BBS9: variants seen among roughly 807,000 people sequenced by gnomAD.
BBS9 encodes the protein protein PTHB1.
A neutral mutation model predicts 117.7 loss-of-function variants in BBS9; 89 were observed. The ratio of observed to expected loss-of-function variants is 0.76; its 90% confidence interval spans 0.64 to 0.90. BBS9 has a LOEUF of 0.90. Among genes scored for constraint, BBS9 ranks in the 40% least tolerant of loss-of-function variants. The probability of loss-of-function intolerance (pLI) is 0.00; values close to 1 mark genes in which losing one functional copy is unlikely to be tolerated. For missense variants in BBS9, 982 were observed against 1,042.2 expected, an observed-to-expected ratio of 0.94 and a Z score of 0.80; for synonymous variants, 379 against 370.9, an observed-to-expected ratio of 1.02 and a Z score of -0.25.
chr7:33,275,176 G>T (rs1262149219), intron 9 of BBS9, among the ~76,000 whole-genome samples: 1 of 152,058 alleles, frequency 6.6e-6, no homozygotes, highest in Non-Finnish European at 1.5e-5. Flanking sequence ...TAGAAAAATG[G>T]AAACGGTGTT....
At chr7:33,618,804 G>A (rs1865268125) in intron 21 of BBS9, among the ~76,000 whole-genome samples, 1 of 152,024 alleles carries the variant, frequency 6.6e-6, no homozygotes, top group Admixed American at 6.6e-5. Flanking sequence ...ACTATGAGAT[G>A]TTTTACATAA....
intron 5 of BBS9, among the ~76,000 whole-genome samples, chr7:33,214,248 ACT>A (rs1241150302): frequency 2.6e-5 from 4 of 151,846 alleles, no homozygotes; most frequent in Non-Finnish European, 1.5e-5. Context: ...CCATGGCTTT[ACT>A]CTCTGTTATA....
intron 19 of BBS9, among the ~76,000 whole-genome samples, chr7:33,404,166 T>C (rs1829480398): frequency 6.6e-6 from 1 of 152,148 alleles, no homozygotes; most frequent in South Asian, 2.1e-4. Flanking sequence ...ATATGCGGCG[T>C]TATTTCTGAG....
intron 19 of BBS9, among the ~76,000 whole-genome samples, chr7:33,424,980 C>A (rs999673400): frequency 2.0e-5 from 3 of 151,958 alleles, no homozygotes; most frequent in Non-Finnish European, 4.4e-5. Context: ...TGTTTATTGA[C>A]CTCTTCTTCC....
chr7:33,478,445 A>G (rs1842083031), intron 19 of BBS9, among the ~76,000 whole-genome samples: 1 of 152,220 alleles, frequency 6.6e-6, no homozygotes. Context: ...TGGCATGGCC[A>G]TGGTAATTCT....
intron 5 of BBS9, among the ~76,000 whole-genome samples, chr7:33,184,745 C>A (rs566222096): frequency 1.3e-5 from 2 of 152,222 alleles, no homozygotes; most frequent in East Asian, 3.9e-4. Flanking sequence ...CTGATCTAGA[C>A]CCCCAGACAG....
chr7:33,287,946 G>A (rs553022794), intron 9 of BBS9, among the ~76,000 whole-genome samples: 2 of 152,236 alleles, frequency 1.3e-5, no homozygotes, highest in East Asian at 1.9e-4. Flanking sequence ...CACAGATGAG[G>A]GAACTTGCAC....
intron 9 of BBS9, among the ~76,000 whole-genome samples, chr7:33,321,108 T>C (rs1811620188): frequency 6.6e-6 from 1 of 152,298 alleles, no homozygotes; most frequent in East Asian, 1.9e-4. Flanking sequence ...TCTGTTTTTA[T>C]GCCAGTACCA....
chr7:33,177,676 T>G, intron 5 of BBS9, 85 bp downstream of exon 5: 4 of 1,004,154 alleles, frequency 4.0e-6, no homozygotes, highest in Non-Finnish European at 6.3e-6. Flanking sequence ...TTAAGTGGTT[T>G]GACTCTCAGA....
At position 33,340,921 on chromosome 7, in the gene BBS9, A is replaced by G. The variant is rs1266402792; in HGVS notation, c.1223A>G (p.Glu408Gly). ...GGTGTTTGGCCCATGACTGAGAGAG[A>G]AGATGACTTGAACGTTTCTGTCGTG... ...SQGVWPMTER[E>G]DDLNVSVVVS... Residue 408 changes from glutamate (E) to glycine (G), a missense_variant, in exon 11 of 23, where the codon GAA becomes GGA. Glu to Gly is a moderately conservative substitution (Grantham distance 98). Transcript: ENST00000242067. 6.2e-7 allele frequency: 1 copy of G among 1,613,462 alleles called. No individual in the cohort carries two copies. The highest frequency in any genetic ancestry group is 2.2e-5 in the East Asian group (1 of 44,838).
intron 9 of BBS9, among the ~76,000 whole-genome samples, chr7:33,318,358 A>G (rs1382259206): frequency 6.6e-6 from 1 of 152,090 alleles, no homozygotes; most frequent in East Asian, 1.9e-4. Context: ...AGCTTTTACA[A>G]CATTTGTCCT....
chr7:33,561,497 A>T (rs1856081406), intron 21 of BBS9, among the ~76,000 whole-genome samples: 1 of 152,344 alleles, frequency 6.6e-6, no homozygotes, highest in Non-Finnish European at 1.5e-5. Context: ...GACAGAAACG[A>T]TAAATTCCCA....
At chr7:33,397,900 G>C (rs922092920) in intron 19 of BBS9, among the ~76,000 whole-genome samples, 1 of 151,984 alleles carries the variant, frequency 6.6e-6, no homozygotes, top group Non-Finnish European at 1.5e-5. Context: ...GGATTGATCT[G>C]TGCAACAAAC....
intron 16 of BBS9, among the ~76,000 whole-genome samples, chr7:33,362,285 T>G (rs1820765902): frequency 6.6e-6 from 1 of 152,156 alleles, no homozygotes; most frequent in African/African-American, 2.4e-5. Context: ...AACCCCCCCG[T>G]TTATCAATTT....
At chr7:33,522,333 C>G (rs1167858005) in intron 20 of BBS9, among the ~76,000 whole-genome samples, 1 of 151,764 alleles carries the variant, frequency 6.6e-6, no homozygotes, top group East Asian at 1.9e-4. Context: ...CTGACTTCCA[C>G]AATGGTTGAA....
intron 21 of BBS9, among the ~76,000 whole-genome samples, chr7:33,584,241 T>C (rs1860505388): frequency 6.6e-6 from 1 of 152,010 alleles, no homozygotes; most frequent in African/African-American, 2.4e-5. Context: ...ATTTTATATT[T>C]TTGGAATTTT....
intron 21 of BBS9, among the ~76,000 whole-genome samples, chr7:33,625,343 C>T (rs181284000): frequency 9.1e-4 from 138 of 152,122 alleles, no homozygotes; most frequent in African/African-American, 3.2e-3. Flanking sequence ...CTGAATTCTA[C>T]TCATATTATA....
intron 4 of BBS9, among the ~76,000 whole-genome samples, chr7:33,156,502 A>C (rs76251722): frequency 6.6e-6 from 1 of 152,076 alleles, no homozygotes; most frequent in African/African-American, 2.4e-5. Flanking sequence ...TATTCTCTTC[A>C]TTTGGGCTTT....
intron 17 of BBS9, among the ~76,000 whole-genome samples, chr7:33,377,082 G>A (rs993684537): frequency 6.6e-6 from 1 of 152,026 alleles, no homozygotes; most frequent in African/African-American, 2.4e-5. Context: ...TGCTTTTGTT[G>A]CAATTGCTTT....
Sources: gnomAD v4.1 joint callset for allele counts (sites outside exome capture counted in the v4.1 genomes callset) on GRCh38, gnomAD v4.1.1 for gene constraint, MANE v1.5 for transcripts, NCBI Gene and HGNC (gene_info 2026-07-23, HGNC 2026-07-21) for gene names.